FAM222B: variants seen among roughly 807,000 people sequenced by gnomAD.
FAM222B encodes the protein protein FAM222B.
FAM222B carries 12 observed loss-of-function variants against 38.0 expected under a neutral mutation model. The observed-to-expected ratio is 0.32, with a 90% CI of 0.20 to 0.51. The LOEUF (loss-of-function observed/expected upper bound fraction) is 0.51. FAM222B is among the 20% of genes least tolerant of loss of function. FAM222B has a pLI of 0.97. For missense variants in FAM222B, 716 were observed against 754.2 expected, an observed-to-expected ratio of 0.95 and a Z score of 0.59; for synonymous variants, 329 against 317.2, an observed-to-expected ratio of 1.04 and a Z score of -0.40.
intron 1 of FAM222B, among the ~76,000 whole-genome samples, chr17:28,776,676 G>A (rs566689033): frequency 6.6e-6 from 1 of 151,682 alleles, no homozygotes; most frequent in Non-Finnish European, 1.5e-5. Flanking sequence ...GGCTGCTGCT[G>A]AACTCCTGCT....
At chr17:28,838,209 G>C (rs1287591469) in intron 1 of FAM222B, among the ~76,000 whole-genome samples, 1 of 152,086 alleles carries the variant, frequency 6.6e-6, no homozygotes, top group Non-Finnish European at 1.5e-5. Flanking sequence ...CTTGAGCCAG[G>C]GAGGCAGAGG....
Position 28,758,435 on chromosome 17 carries a change from G to C in FAM222B, c.1524C>G (p.Asn508Lys). Residue 508 changes from asparagine to lysine, a missense_variant, in exon 3 of 3, where the codon AAC (asparagine) becomes AAG (lysine). By Grantham distance (94) the Asn-to-Lys change is moderately conservative (BLOSUM62 0). Transcript: ENST00000581407. ...GGTAATCCACTGTTTGCATCAAGCT[G>C]TTCTGGCTTGCCACTGGACCGCCCC... ...GTGGGPVASQNSLMQTVDYLS... is the reference protein window; with the variant it reads ...GTGGGPVASQKSLMQTVDYLS... The C allele has an allele frequency of 1.2e-6, 2 of 1,613,962 alleles. No homozygotes were observed. The highest frequency in any genetic ancestry group is 1.7e-6 in the Non-Finnish European group (2 of 1,179,878).
In FAM222B at chr17:28,758,763, G is replaced by A; in HGVS notation, c.1196C>T (p.Ala399Val). 1.3e-6 allele frequency: 2 copies of A among 1,572,106 alleles called. No individual in the cohort carries two copies. The highest frequency in any genetic ancestry group is 8.6e-7 in the Non-Finnish European group (1 of 1,157,204). Residue 399 changes from alanine (A) to valine (V), a missense_variant, in exon 3 of 3, where the codon GCA becomes GTA. Transcript: ENST00000581407. ...GGCCTTGCCCACAAAGCCAGGCCCT[G>A]CCAACTCGCGTCCTGCCGCATGCTT... The part of the protein sequence containing the change: ...TGKHAAGREL[A>V]GPGFVGKAPA...
intron 1 of FAM222B, among the ~76,000 whole-genome samples, chr17:28,783,148 A>C (rs1319719252): frequency 1.3e-5 from 2 of 152,052 alleles, no homozygotes; most frequent in East Asian, 1.9e-4. Context: ...AAAAAAAAAA[A>C]AAAAAACAAA....
Position 28,766,618 on chromosome 17 carries a change from G to T in FAM222B, c.50C>A (p.Ser17Tyr). The change falls in exon 2 of 3, where the codon TCT becomes TAT. Residue 17 changes from serine (S) to tyrosine (Y), a missense_variant. Physicochemically the swap from Ser to Tyr is moderately radical, Grantham distance 144. Transcript: ENST00000581407. ...GPGDLSFQLL[S>Y]HTQMNTGLQK... ...AAGTCCAGTGTTCATCTGCGTGTGA[G>T]AAAGAAGCTGAAAGGACAGGTCACC... The T allele has an allele frequency of 1.9e-6, 3 of 1,605,814 alleles. No homozygotes were observed. Among genetic ancestry groups the T allele is most frequent in the Non-Finnish European group, 2.6e-6 (3 of 1,176,054 alleles).
chr17:28,798,096 T>C (rs2037030211), intron 1 of FAM222B, among the ~76,000 whole-genome samples: 1 of 151,294 alleles, frequency 6.6e-6, no homozygotes, highest in East Asian at 1.9e-4. Flanking sequence ...GAAAAAAATA[T>C]GAAAAATAAA....
intron 1 of FAM222B, among the ~76,000 whole-genome samples, chr17:28,808,543 A>G (rs919522159): frequency 1.3e-5 from 2 of 152,208 alleles, no homozygotes; most frequent in Non-Finnish European, 2.9e-5. Flanking sequence ...CTCACCAACA[A>G]TAAATTCTAC....
Position 28,758,293 on chromosome 17 carries a change from T to C in FAM222B, c.1666A>G (p.Ile556Val). The change falls in exon 3 of 3, where the codon ATT becomes GTT. Residue 556 changes from isoleucine (I) to valine (V), a missense_variant. Transcript: ENST00000581407. ...ACCTATCTATACCCTGGGTGCTGAA[T>C]ATGAAGACTTCGACTCTCTGTGGGA... ...PDPTESRSLH[I>V]QHPGYR The C allele has an allele frequency of 4.4e-6, 7 of 1,596,062 alleles. No individual in the cohort carries two copies. The highest frequency in any genetic ancestry group is 6.0e-6 in the Non-Finnish European group (7 of 1,171,642).
chr17:28,778,713 ATATATATT>A (rs1402919361), intron 1 of FAM222B, among the ~76,000 whole-genome samples: 3 of 68,994 alleles, frequency 4.3e-5, no homozygotes, highest in African/African-American at 1.9e-4. Flanking sequence ...ATATATATAT[ATATATATT>A]TTTTTTTTTT....
rs1275037444 is a variant in FAM222B, at chr17:28,809,781, C to A, written c.-41+32901G>T. ...TTGAGGCCAGGAGTTTGAGACCAAC[C>A]TGGGCAACAGAGCCAGACCCTATTC... On this transcript the variant is annotated intron_variant, in intron 1 of 2. Coordinates refer to ENST00000581407, the MANE Select transcript of FAM222B (RefSeq NM_001077498.3). 3.9e-5 allele frequency among the ~76,000 whole-genome samples: 6 copies of A among 152,030 alleles called. No homozygotes were observed. The East Asian group carries it at 1.2e-3, about 29-fold the overall frequency.
At chr17:28,838,228 A>T (rs1051862544) in intron 1 of FAM222B, among the ~76,000 whole-genome samples, 2 of 152,038 alleles carry the variant, frequency 1.3e-5, no homozygotes, top group Non-Finnish European at 2.9e-5. Flanking sequence ...GGTTGCGCTG[A>T]GCCAAGATGG....
At chr17:28,817,009 C>T (rs1256619298) in intron 1 of FAM222B, among the ~76,000 whole-genome samples, 1 of 151,894 alleles carries the variant, frequency 6.6e-6, no homozygotes, top group East Asian at 1.9e-4. Flanking sequence ...GTACTGTATT[C>T]CTGTATGCCT....
chr17:28,826,147 G>T (rs549349976), intron 1 of FAM222B, among the ~76,000 whole-genome samples: 1 of 152,014 alleles, frequency 6.6e-6, no homozygotes, highest in Admixed American at 6.6e-5. Context: ...TTGGCTCCCT[G>T]CAACCTCTGC....
At chr17:28,790,346 T>C (rs1282141636) in intron 1 of FAM222B, 3 of 152,160 alleles carry the variant, frequency 2.0e-5, no homozygotes, top group South Asian at 2.1e-4. Context: ...GATCAAACAT[T>C]ATCAGTAACG....
At chr17:28,795,086 C>T (rs2036874843) in intron 1 of FAM222B, among the ~76,000 whole-genome samples, 3 of 148,774 alleles carry the variant, frequency 2.0e-5, no homozygotes, top group Admixed American at 7.0e-5. Flanking sequence ...GAGTGAGACC[C>T]TGTTTCAAAA....
intron 1 of FAM222B, among the ~76,000 whole-genome samples, chr17:28,812,782 G>A (rs1293399202): frequency 6.6e-6 from 1 of 150,896 alleles, no homozygotes; most frequent in East Asian, 2.0e-4. Flanking sequence ...CTTTCTGCCT[G>A]GGTACTAGGA....
At position 28,779,557 on chromosome 17, in the gene FAM222B, C is replaced by G. The variant is rs2036068513; in HGVS notation, c.-40-12850G>C. On this transcript the variant is annotated intron_variant, in intron 1 of 2. Transcript: ENST00000581407. ...ATGAGATCAGGAGATCGTGACCATC[C>G]TGGCTAACACGGTGAAACCCAGTCT... Among the ~76,000 whole-genome samples the G allele has an allele frequency of 2.6e-5, 4 of 151,966 alleles. No individual in the cohort carries two copies. The South Asian group carries it at 8.3e-4, about 32-fold the overall frequency.
intron 1 of FAM222B, among the ~76,000 whole-genome samples, chr17:28,793,070 G>C (rs546512410): frequency 6.6e-6 from 1 of 151,778 alleles, no homozygotes; most frequent in African/African-American, 2.4e-5. Context: ...CCAACAGTTG[G>C]GACTACAAGC....
chr17:28,776,452 CTTTTTT>C (rs397857136), intron 1 of FAM222B, among the ~76,000 whole-genome samples: 16 of 90,978 alleles, frequency 1.8e-4, no homozygotes, highest in Admixed American at 2.6e-4. Flanking sequence ...CCTAAAAAGA[CTTTTTT>C]TTTTTTTTTT....
Sources: allele counts gnomAD v4.1 joint callset (sites outside exome capture counted in the v4.1 genomes callset), GRCh38; gene constraint gnomAD v4.1.1; transcripts MANE v1.5; gene names NCBI Gene and HGNC (gene_info 2026-07-23, HGNC 2026-07-21).